WFDC10B: variants seen among roughly 807,000 people sequenced by gnomAD.
WFDC10B encodes protein WFDC10B.
WFDC10B carries 1 observed loss-of-function variant against 2.7 expected under a neutral mutation model. That is an observed-to-expected ratio of 0.38 (90% CI 0.13 to 1.79). The LOEUF is 1.79. Among genes scored for constraint, WFDC10B ranks in the 40% most tolerant of loss-of-function variants. WFDC10B has a pLI of 0.33. For missense variants in WFDC10B, 71 were observed against 87.8 expected, an observed-to-expected ratio of 0.81 and a Z score of 0.76; for synonymous variants, 26 against 32.2, an observed-to-expected ratio of 0.81 and a Z score of 0.65.
At chr20:45,685,387 C>T (rs1229319779) in intron 3 of WFDC10B, among the ~76,000 whole-genome samples, 2 of 152,132 alleles carry the variant, frequency 1.3e-5, no homozygotes, top group Non-Finnish European at 2.9e-5. Context: ...CTTCTCCTCT[C>T]CTCTCCATCA....
chr20:45,703,910 G>A (rs1231723163), intron 2 of WFDC10B, among the ~76,000 whole-genome samples: 1 of 152,002 alleles, frequency 6.6e-6, no homozygotes, highest in East Asian at 1.9e-4. Context: ...TTGTGAATTG[G>A]GTCCCAGCTC....
chr20:45,699,321 C>A (rs1394215743), intron 2 of WFDC10B, among the ~76,000 whole-genome samples: 1 of 152,158 alleles, frequency 6.6e-6, no homozygotes, highest in Non-Finnish European at 1.5e-5. Context: ...AAAAAATATT[C>A]ATCTACAAAT....
intron 2 of WFDC10B, among the ~76,000 whole-genome samples, chr20:45,687,711 G>C (rs1942555252): frequency 6.6e-6 from 1 of 152,072 alleles, no homozygotes. Context: ...ATTGTAACTG[G>C]CGTAAGATGG....
chr20:45,704,278 C>G (rs1446613804), intron 2 of WFDC10B, among the ~76,000 whole-genome samples: 2 of 152,202 alleles, frequency 1.3e-5, no homozygotes, highest in East Asian at 3.8e-4. Flanking sequence ...CTGCTCAGAA[C>G]TCAGAGGAAG....
intron 2 of WFDC10B, among the ~76,000 whole-genome samples, chr20:45,697,997 G>A (rs1984032378): frequency 1.3e-5 from 2 of 152,078 alleles, no homozygotes; most frequent in African/African-American, 2.4e-5. Flanking sequence ...ACCCGCCTCG[G>A]CCTCCCAAAG....
intron 2 of WFDC10B, among the ~76,000 whole-genome samples, chr20:45,686,539 TGG>T (rs11479569): frequency 6.7e-6 from 1 of 149,860 alleles, no homozygotes; most frequent in Non-Finnish European, 1.5e-5. Flanking sequence ...ATAATTTTTT[TGG>T]GGGGGGGCGG....
chr20:45,692,472 C>G (rs376808855), intron 2 of WFDC10B, among the ~76,000 whole-genome samples: 1 of 152,172 alleles, frequency 6.6e-6, no homozygotes, highest in Non-Finnish European at 1.5e-5. Flanking sequence ...TTCAGGTACA[C>G]CAATCAGACG....
intron 2 of WFDC10B, among the ~76,000 whole-genome samples, chr20:45,695,699 A>G (rs1042239481): frequency 1.1e-4 from 17 of 152,174 alleles, no homozygotes; most frequent in African/African-American, 3.9e-4. Context: ...TTAGAAAATA[A>G]TTTGAGCCAG....
At chr20:45,689,334 G>T (rs1223924142) in intron 2 of WFDC10B, among the ~76,000 whole-genome samples, 1 of 151,368 alleles carries the variant, frequency 6.6e-6, no homozygotes, top group Non-Finnish European at 1.5e-5. Flanking sequence ...GCTCTTTTTT[G>T]GTTCCATATG....
chr20:45,686,162 C>T, intron 2 of WFDC10B, 106 bp from the exon 3 acceptor site: 1 of 1,347,622 alleles, frequency 7.4e-7, no homozygotes, highest in Non-Finnish European at 9.9e-7. Flanking sequence ...CCCTTGCCTT[C>T]TCCTGGCCCT....
chr20:45,692,257 C>T (rs542603878), intron 2 of WFDC10B, among the ~76,000 whole-genome samples: 2 of 152,124 alleles, frequency 1.3e-5, no homozygotes, highest in East Asian at 3.9e-4. Flanking sequence ...TTCTCTCTGG[C>T]TGCCCTTAAC....
chr20:45,704,561 T>G lies in WFDC10B; in HGVS notation c.-129A>C. ...TGCTGTTCCTCCTTCTGTGGGATAG[T>G]CTGTTCATCAGAAACATTTCAAAAG... On this transcript the variant is annotated splice_region_variant and 5_prime_UTR_variant, in exon 2 of 4. Transcript: ENST00000330523. 6.2e-7 allele frequency: 1 copy of G among 1,614,172 alleles called. No homozygotes were observed. Among genetic ancestry groups the G allele is most frequent in the Non-Finnish European group, 8.5e-7 (1 of 1,180,030 alleles).
intron 2 of WFDC10B, among the ~76,000 whole-genome samples, chr20:45,697,637 C>A (rs963748268): frequency 1.3e-5 from 2 of 151,894 alleles, no homozygotes; most frequent in African/African-American, 4.8e-5. Flanking sequence ...TAGGCGTGAG[C>A]CACCACACCT....
chr20:45,692,405 C>T (rs904953839), intron 2 of WFDC10B, among the ~76,000 whole-genome samples: 16 of 152,098 alleles, frequency 1.1e-4, no homozygotes, highest in African/African-American at 3.9e-4. Flanking sequence ...TGGGGAAGTT[C>T]TCCTGGATAA....
chr20:45,702,203 G>A lies in WFDC10B; in HGVS notation c.-65+2294C>T, dbSNP rs199777220. The A allele has an allele frequency of 1.2e-4, 200 of 1,611,872 alleles. No homozygotes were observed. Among genetic ancestry groups the A allele is most frequent in the Middle Eastern group, 6.6e-4 (4 of 6,084 alleles). On this transcript the variant is annotated intron_variant, in intron 2 of 3. Transcript: ENST00000330523. Reference sequence around the variant, plus strand: ...CTGGTGCCTGGGAGTCCCAAGCAGCGTGTTCTGAGTAGGTGCTGGATCTGG... The same window carrying A: ...CTGGTGCCTGGGAGTCCCAAGCAGCATGTTCTGAGTAGGTGCTGGATCTGG...
chr20:45,689,514 C>A (rs1983738868), intron 2 of WFDC10B, among the ~76,000 whole-genome samples: 1 of 152,110 alleles, frequency 6.6e-6, no homozygotes, highest in African/African-American at 2.4e-5. Flanking sequence ...TCTTTTATTT[C>A]ATTGAGCAGT....
intron 2 of WFDC10B, among the ~76,000 whole-genome samples, chr20:45,687,116 C>G (rs1187166963): frequency 1.3e-5 from 2 of 152,154 alleles, no homozygotes; most frequent in East Asian, 1.9e-4. Flanking sequence ...ACCTAGGTAT[C>G]AAGCCCAGCA....
chr20:45,704,608 C>T, intron 1 of WFDC10B, 47 bp from the exon 2 acceptor site: 6 of 1,613,138 alleles, frequency 3.7e-6, no homozygotes, highest in Non-Finnish European at 5.1e-6. Flanking sequence ...AGAGATATCT[C>T]ATATCCAGGT....
At chr20:45,694,890 C>T (rs1377673883) in intron 2 of WFDC10B, among the ~76,000 whole-genome samples, 4 of 152,132 alleles carry the variant, frequency 2.6e-5, no homozygotes, top group South Asian at 2.1e-4. Flanking sequence ...TATAAAAACT[C>T]TTAAACAATA....
Sources: gnomAD v4.1 joint callset for allele counts (sites outside exome capture counted in the v4.1 genomes callset) on GRCh38, gnomAD v4.1.1 for gene constraint, MANE v1.5 for transcripts, NCBI Gene and HGNC (gene_info 2026-07-23, HGNC 2026-07-21) for gene names.